The following TNFSF4 variants were observed in gnomAD, a reference collection of about 807,000 sequenced individuals.
TNFSF4 encodes the protein TNF superfamily member 4, also known as tumor necrosis factor ligand superfamily member 4.
In TNFSF4, 4 loss-of-function variants were observed where a neutral mutation model predicts 7.3. That is an observed-to-expected ratio of 0.55 (90% CI 0.27 to 1.25). The LOEUF (loss-of-function observed/expected upper bound fraction) is 1.25. Ranked by LOEUF, TNFSF4 falls within the 50% of genes most tolerant of loss-of-function variation. TNFSF4 has a pLI of 0.12. For missense variants in TNFSF4, 181 were observed against 208.8 expected (o/e 0.87, Z 0.82); for synonymous variants, 76 against 83.7 (o/e 0.91, Z 0.50).
At chr1:173,431,171 AGTT>A in the TNFSF4 span, among the ~76,000 whole-genome samples, 1 of 152,242 alleles carries the variant, frequency 6.6e-6, no homozygotes, top group African/African-American at 2.4e-5. Flanking sequence ...GAATCACTGT[AGTT>A]GTCTTTGGTT....
the TNFSF4 span, among the ~76,000 whole-genome samples, chr1:173,320,280 C>T: frequency 1.8e-4 from 28 of 152,304 alleles, no homozygotes; most frequent in African/African-American, 6.7e-4. Flanking sequence ...CAAAATTCAA[C>T]ATCCCTTCAT....
chr1:173,410,407 C>T, the TNFSF4 span, among the ~76,000 whole-genome samples: 2 of 152,136 alleles, frequency 1.3e-5, no homozygotes, highest in African/African-American at 4.8e-5. Context: ...AATAAGGTTA[C>T]TGGGGCCCAG....
At chr1:173,310,632 TAC>T in the TNFSF4 span, among the ~76,000 whole-genome samples, 1 of 151,714 alleles carries the variant, frequency 6.6e-6, no homozygotes, top group African/African-American at 2.4e-5. Flanking sequence ...ATTTTCTTAA[TAC>T]AGTTTTCAAA....
At chr1:173,270,433 G>A in the TNFSF4 span, among the ~76,000 whole-genome samples, 1 of 152,190 alleles carries the variant, frequency 6.6e-6, no homozygotes, top group East Asian at 1.9e-4. Flanking sequence ...TAAGCAGAAG[G>A]TTGAGGAGGA....
the TNFSF4 span, among the ~76,000 whole-genome samples, chr1:173,388,840 T>C: frequency 2.0e-5 from 3 of 152,218 alleles, no homozygotes; most frequent in Admixed American, 2.0e-4. Context: ...ATAGGAATTT[T>C]ACTCACATAA....
At chr1:173,246,477 T>G in the TNFSF4 span, among the ~76,000 whole-genome samples, 11 of 152,154 alleles carry the variant, frequency 7.2e-5, no homozygotes, top group Non-Finnish European at 8.8e-5. Flanking sequence ...TGCAGCTATT[T>G]ACCATAGCAA....
the TNFSF4 span, among the ~76,000 whole-genome samples, chr1:173,240,377 A>C: frequency 6.6e-6 from 1 of 152,196 alleles, no homozygotes; most frequent in South Asian, 2.1e-4. Context: ...ACATCTACTT[A>C]GAGATATTTT....
the TNFSF4 span, among the ~76,000 whole-genome samples, chr1:173,339,170 A>G: frequency 1.3e-5 from 2 of 152,094 alleles, no homozygotes; most frequent in Non-Finnish European, 2.9e-5. Context: ...CTTGAGCCCA[A>G]GAGTTTGAGA....
At chr1:173,186,909 T>A in intron 2 of TNFSF4, 44 bp from the exon 3 acceptor site, 2 of 1,351,866 alleles carry the variant, frequency 1.5e-6, no homozygotes, top group South Asian at 1.4e-5. Context: ...TTCCTAAGCA[T>A]AGAATTGGGC....
chr1:173,429,169 T>C, the TNFSF4 span, among the ~76,000 whole-genome samples: 1 of 152,202 alleles, frequency 6.6e-6, no homozygotes, highest in Non-Finnish European at 1.5e-5. Flanking sequence ...TCTCTACTTG[T>C]ATGTATCTTT....
chr1:173,415,102 G>A, the TNFSF4 span, among the ~76,000 whole-genome samples: 1 of 152,214 alleles, frequency 6.6e-6, no homozygotes, highest in Non-Finnish European at 1.5e-5. Flanking sequence ...TATCCCTGAT[G>A]TATTTGGGTT....
the TNFSF4 span, among the ~76,000 whole-genome samples, chr1:173,444,054 A>T: frequency 6.6e-6 from 1 of 152,196 alleles, no homozygotes. Flanking sequence ...GAAGACACAA[A>T]ACACAACACT....
At chr1:173,223,401 T>C in the TNFSF4 span, among the ~76,000 whole-genome samples, 1 of 152,096 alleles carries the variant, frequency 6.6e-6, no homozygotes, top group African/African-American at 2.4e-5. Context: ...TTCTATTGCT[T>C]ACCACCACTC....
the TNFSF4 span, among the ~76,000 whole-genome samples, chr1:173,417,632 C>T: frequency 6.6e-6 from 1 of 152,150 alleles, no homozygotes; most frequent in Non-Finnish European, 1.5e-5. Flanking sequence ...CATTGCCTGA[C>T]ATTATAACAA....
At chr1:173,309,575 G>A in the TNFSF4 span, among the ~76,000 whole-genome samples, 1 of 151,750 alleles carries the variant, frequency 6.6e-6, no homozygotes. Context: ...ATATATTGCT[G>A]AATTTTGCCT....
chr1:173,442,537 T>C, the TNFSF4 span, among the ~76,000 whole-genome samples: 1 of 144,532 alleles, frequency 6.9e-6, no homozygotes, highest in African/African-American at 2.6e-5. Context: ...TTTTGGTTTT[T>C]CGTTTTTGTT....
the TNFSF4 span, among the ~76,000 whole-genome samples, chr1:173,302,321 AT>A: frequency 6.6e-6 from 1 of 151,924 alleles, no homozygotes; most frequent in Non-Finnish European, 1.5e-5. Flanking sequence ...GAGTTATTTT[AT>A]TTTTCTGTTT....
At chr1:173,405,680 A>C in the TNFSF4 span, among the ~76,000 whole-genome samples, 1 of 152,254 alleles carries the variant, frequency 6.6e-6, no homozygotes, top group Admixed American at 6.5e-5. Flanking sequence ...CAACTCATTT[A>C]AATTAAATAA....
At chr1:173,312,375 G>A in the TNFSF4 span, among the ~76,000 whole-genome samples, 4,155 of 151,806 alleles carry the variant, frequency 0.027, 112 homozygotes, top group East Asian at 0.13. Context: ...GTTCCCTTTT[G>A]TTGTATTTGT....
Sources: gnomAD v4.1 joint callset for allele counts (sites outside exome capture counted in the v4.1 genomes callset) on GRCh38, gnomAD v4.1.1 for gene constraint, MANE v1.5 for transcripts, NCBI Gene and HGNC (gene_info 2026-07-23, HGNC 2026-07-21) for gene names.